Variants in ZNF536 observed in about 807,000 individuals in gnomAD.
The protein encoded by ZNF536 is zinc finger protein 536.
ZNF536 carries 13 observed loss-of-function variants against 84.5 expected under a neutral mutation model. The observed-to-expected ratio is 0.15, with a 90% confidence interval of 0.10 to 0.24. The LOEUF is 0.24. Ranked by LOEUF, ZNF536 falls within the 10% of genes least tolerant of loss-of-function variation. The probability of loss-of-function intolerance (pLI) is 1.00; values close to 1 mark genes in which losing one functional copy is unlikely to be tolerated. For synonymous variants in ZNF536, 811 were observed against 742.5 expected (o/e 1.09, Z -1.50); for missense variants, 1,536 against 1,747.5 (o/e 0.88, Z 2.16).
At chr19:30,377,740 G>T (rs901360301) in intron 1 of ZNF536, among the ~76,000 whole-genome samples, 1 of 152,174 alleles carries the variant, frequency 6.6e-6, no homozygotes, top group Non-Finnish European at 1.5e-5. Flanking sequence ...AAGATATTGG[G>T]ATATTAGGAT....
intron 2 of ZNF536, among the ~76,000 whole-genome samples, chr19:30,480,658 A>G (rs1323922702): frequency 1.3e-5 from 2 of 152,318 alleles, no homozygotes; most frequent in East Asian, 3.9e-4. Context: ...TGGCACATGT[A>G]TACCTATGTA....
intron 1 of ZNF536, among the ~76,000 whole-genome samples, chr19:30,638,215 AT>A (rs1162288422): frequency 6.6e-6 from 1 of 152,240 alleles, no homozygotes; most frequent in Non-Finnish European, 1.5e-5. Context: ...CCTCTGATCC[AT>A]TTTAGCATGT....
At chr19:30,433,794 G>A (rs970275575) in intron 1 of ZNF536, among the ~76,000 whole-genome samples, 1 of 152,180 alleles carries the variant, frequency 6.6e-6, no homozygotes, top group African/African-American at 2.4e-5. Context: ...ACCATGCCTG[G>A]CCAACAGGAG....
chr19:30,696,823 A>G (rs1600299908), intron 1 of ZNF536, among the ~76,000 whole-genome samples: 1 of 152,090 alleles, frequency 6.6e-6, no homozygotes, highest in Non-Finnish European at 1.5e-5. Context: ...GCCCTGCTGA[A>G]ATCTGGCGAC....
intron 1 of ZNF536, among the ~76,000 whole-genome samples, chr19:30,702,464 G>C (rs577338006): frequency 3.3e-5 from 5 of 152,116 alleles, no homozygotes; most frequent in African/African-American, 1.2e-4. Context: ...CGGGCAGTTG[G>C]GGGGGCCCCC....
rs1331372186 is a variant in ZNF536 at position 30,390,128 on chromosome 19, A to G, written c.-3+17572A>G. ...AGGTTTTACTCCTTCCTAAGCACTT[A>G]CTGTTGCCTGAATCTACTTCCTAGG... On this transcript the variant is annotated intron_variant, in intron 1 of 4. Coordinates refer to ENST00000355537, the MANE Select transcript of ZNF536 (RefSeq NM_014717.3). Among the ~76,000 whole-genome samples the G allele has an allele frequency of 2.0e-5, 3 of 152,242 alleles. No individual in the cohort carries two copies. In the East Asian group the frequency reaches 5.8e-4, roughly 30 times the overall value.
rs1034563458 is a variant in ZNF536 at position 30,261,073 on chromosome 19, C to T, written c.-189-22999C>T. ...CAGCACTTTGGGAGGCCGAGGCGGG[C>T]GGATCACGAGGTCAGGAGATCGAGA... is the stretch of plus-strand genomic sequence containing the variant. On this transcript the variant is annotated intron_variant, in intron 1 of 5. Coordinates refer to the ZNF536 transcript ENST00000585628. Among the ~76,000 whole-genome samples the T allele has an allele frequency of 3.0e-4, 46 of 151,688 alleles. 1 individual carries two copies. Among genetic ancestry groups the T allele is most frequent in the African/African-American group, 1.1e-3 (44 of 41,422 alleles).
chr19:30,598,477 A>G (rs2047544490), intron 1 of ZNF536, among the ~76,000 whole-genome samples: 1 of 152,166 alleles, frequency 6.6e-6, no homozygotes. Flanking sequence ...AATATATATC[A>G]TTGTCTAGAT....
chr19:30,430,884 C>T (rs1317726942), intron 1 of ZNF536, among the ~76,000 whole-genome samples: 1 of 152,192 alleles, frequency 6.6e-6, no homozygotes, highest in Admixed American at 6.5e-5. Context: ...CCATGCTGGC[C>T]AGGCTGGTCT....
chr19:30,547,224 A>C (rs2045591593), intron 3 of ZNF536, among the ~76,000 whole-genome samples: 1 of 152,148 alleles, frequency 6.6e-6, no homozygotes, highest in Non-Finnish European at 1.5e-5. Flanking sequence ...ATTTTCTTTT[A>C]AGTTTTATTG....
chr19:30,358,882 TC>T (rs1370748210), intron 3 of ZNF536, among the ~76,000 whole-genome samples: 4 of 152,174 alleles, frequency 2.6e-5, no homozygotes, highest in Non-Finnish European at 2.9e-5. Context: ...CTGAATGTGT[TC>T]CTATGGCCCA....
intron 2 of ZNF536, among the ~76,000 whole-genome samples, chr19:30,501,283 G>T (rs927099102): frequency 3.9e-5 from 6 of 152,140 alleles, no homozygotes; most frequent in African/African-American, 7.2e-5. Context: ...CTCATTCCTG[G>T]TTCATGGAAA....
chr19:30,681,814 C>A (rs936303984), intron 1 of ZNF536, among the ~76,000 whole-genome samples: 3 of 152,178 alleles, frequency 2.0e-5, no homozygotes, highest in Non-Finnish European at 4.4e-5. Flanking sequence ...GGGTAGCCCC[C>A]CTTCCCCAAT....
intron 1 of ZNF536, among the ~76,000 whole-genome samples, chr19:30,407,437 C>G (rs756651880): frequency 6.6e-6 from 1 of 152,154 alleles, no homozygotes; most frequent in Non-Finnish European, 1.5e-5. Flanking sequence ...GCAGTGGACA[C>G]CAGCTGGGTG....
intron 2 of ZNF536, among the ~76,000 whole-genome samples, chr19:30,525,912 C>T (rs908219831): frequency 6.6e-6 from 1 of 152,164 alleles, no homozygotes; most frequent in South Asian, 2.1e-4. Context: ...TATTGAGACA[C>T]AGCTGGAGGT....
intron 2 of ZNF536, among the ~76,000 whole-genome samples, chr19:30,312,842 G>A (rs929202433): frequency 3.3e-5 from 5 of 152,222 alleles, no homozygotes; most frequent in African/African-American, 4.8e-5. Context: ...GTTTTCCCAC[G>A]AACGCCTCTG....
intron 1 of ZNF536, among the ~76,000 whole-genome samples, chr19:30,686,102 C>T (rs189749557): frequency 2.6e-5 from 4 of 152,304 alleles, no homozygotes; most frequent in East Asian, 1.9e-4. Context: ...CCCTCTCTCA[C>T]GTTCTCAGCT....
intron 1 of ZNF536, among the ~76,000 whole-genome samples, chr19:30,431,793 G>T (rs1257691889): frequency 1.3e-5 from 2 of 152,148 alleles, no homozygotes; most frequent in Non-Finnish European, 2.9e-5. Flanking sequence ...CAGGGCAGGG[G>T]CTGTGCGCTG....
intron 1 of ZNF536, among the ~76,000 whole-genome samples, chr19:30,694,181 C>T (rs567734910): frequency 5.3e-4 from 81 of 152,304 alleles, no homozygotes; most frequent in African/African-American, 1.8e-3. Flanking sequence ...GCACAGCACA[C>T]CCTTGGCACA....
Sources: gnomAD v4.1 joint callset for allele counts (sites outside exome capture counted in the v4.1 genomes callset) on GRCh38, gnomAD v4.1.1 for gene constraint, MANE v1.5 for transcripts, NCBI Gene and HGNC (gene_info 2026-07-23, HGNC 2026-07-21) for gene names.